Variants in IGSF10 observed in about 807,000 individuals in gnomAD.
IGSF10 encodes the protein calvaria mechanical force protein 608.
In IGSF10, 126 loss-of-function variants were observed where a neutral mutation model predicts 128.2. That is an observed-to-expected ratio of 0.98 (90% CI 0.85 to 1.14). The LOEUF is 1.14. Ranked by LOEUF, IGSF10 falls within the 50% of genes most tolerant of loss-of-function variation. The pLI is 0.00. For missense variants in IGSF10, 3,295 were observed against 3,149.8 expected (o/e 1.05, Z -1.10); for synonymous variants, 1,185 against 1,146.2 (o/e 1.03, Z -0.68).
At chr3:151,438,869 G>T (rs1487910091) in intron 7 of IGSF10, among the ~76,000 whole-genome samples, 3 of 151,484 alleles carry the variant, frequency 2.0e-5, no homozygotes, top group East Asian at 1.9e-4. Context: ...TATATATAGA[G>T]AGAGAGAAAT....
intron 4 of IGSF10, among the ~76,000 whole-genome samples, chr3:151,456,171 C>T (rs1260032651): frequency 3.3e-5 from 5 of 152,232 alleles, no homozygotes; most frequent in African/African-American, 1.2e-4. Context: ...GCCTGATTAA[C>T]CAAATCAACA....
chr3:151,484,242 C>T, the IGSF10 span, among the ~76,000 whole-genome samples: 735 of 152,306 alleles, frequency 4.8e-3, 6 homozygotes, highest in African/African-American at 0.017. Flanking sequence ...GCCAGACTGC[C>T]TTTCTAGATT....
At chr3:151,587,717 G>A in the IGSF10 span, among the ~76,000 whole-genome samples, 1 of 152,188 alleles carries the variant, frequency 6.6e-6, no homozygotes, top group Non-Finnish European at 1.5e-5. Flanking sequence ...CACATGTCAT[G>A]GGAGTAACCC....
chr3:151,433,019 GGTTTACAAAT>G (rs1719705946), downstream of IGSF10: 1 of 503,530 alleles, frequency 2.0e-6, no homozygotes, highest in Non-Finnish European at 3.5e-6. Context: ...CTTTAAAGTA[GGTTTACAAAT>G]GTGAATCATG....
At chr3:151,475,502 G>A in the IGSF10 span, among the ~76,000 whole-genome samples, 14 of 152,184 alleles carry the variant, frequency 9.2e-5, no homozygotes, top group Admixed American at 9.2e-4. Flanking sequence ...AGGAGTATAT[G>A]CCTGTAACAT....
At chr3:151,577,929 T>C in the IGSF10 span, among the ~76,000 whole-genome samples, 1 of 152,244 alleles carries the variant, frequency 6.6e-6, no homozygotes, top group South Asian at 2.1e-4. Flanking sequence ...TTTGTGCTCT[T>C]TGTTTCTTTT....
the IGSF10 span, among the ~76,000 whole-genome samples, chr3:151,501,993 T>C: frequency 2.6e-5 from 4 of 152,074 alleles, no homozygotes; most frequent in African/African-American, 7.2e-5. Context: ...TATCACTTTT[T>C]ACAGACCTAA....
At chr3:151,496,213 T>TA in the IGSF10 span, among the ~76,000 whole-genome samples, 1 of 151,646 alleles carries the variant, frequency 6.6e-6, no homozygotes, top group African/African-American at 2.4e-5. Context: ...TATTTTTTTT[T>TA]ATACTTTAAG....
chr3:151,437,844 A>G lies in IGSF10; in HGVS notation c.6717T>C (p.Gly2239=). 2 of 1,613,974 alleles carry G rather than the reference A, an allele frequency of 1.2e-6. No individual in the cohort carries two copies. Residue 2239 remains glycine, a synonymous_variant, in exon 8 of 8, where the codon GGT becomes GGC. Transcript: ENST00000282466. ...DVVSKPPLIN[G]LYTNRTVIKA... ...TAATAACAGTTCTGTTTGTATACAG[A>G]CCATTGATTAATGGAGGTTTAGAGA...
rs553293775 is a variant in IGSF10 at position 151,438,893 on chromosome 3, TA to T, written c.5964-297del. ...AGAGAGAGAAATGACCACGATTAAC[TA>T]GCATGTCCATCACCTCATAGTTACC... On this transcript the variant is annotated intron_variant, in intron 7 of 7. Transcript: ENST00000282466. 8.6e-5 allele frequency among the ~76,000 whole-genome samples: 13 copies of T among 151,876 alleles called. No individual in the cohort carries two copies. In the East Asian group the frequency reaches 2.5e-3, roughly 29 times the overall value.
the IGSF10 span, among the ~76,000 whole-genome samples, chr3:151,498,423 G>A: frequency 6.6e-6 from 1 of 152,012 alleles, no homozygotes; most frequent in Non-Finnish European, 1.5e-5. Flanking sequence ...ATAAAATACT[G>A]GCAAATCGAA....
At chr3:151,495,708 C>T in the IGSF10 span, among the ~76,000 whole-genome samples, 2 of 151,986 alleles carry the variant, frequency 1.3e-5, no homozygotes, top group African/African-American at 4.8e-5. Flanking sequence ...GGCCAAAAGG[C>T]ATCTAGCCAG....
the IGSF10 span, among the ~76,000 whole-genome samples, chr3:151,513,058 C>T: frequency 6.6e-6 from 1 of 152,162 alleles, no homozygotes; most frequent in Non-Finnish European, 1.5e-5. Context: ...GGTACCATTC[C>T]TTCTGAAACT....
the IGSF10 span, among the ~76,000 whole-genome samples, chr3:151,585,025 T>G: frequency 5.3e-5 from 8 of 152,216 alleles, no homozygotes; most frequent in Admixed American, 2.0e-4. Flanking sequence ...GTCCTTTTAA[T>G]GATTACTGTA....
the IGSF10 span, among the ~76,000 whole-genome samples, chr3:151,574,193 T>C: frequency 9.2e-5 from 14 of 152,160 alleles, no homozygotes; most frequent in Non-Finnish European, 1.3e-4. Flanking sequence ...CAATTATGTG[T>C]CTTGGGGTTG....
the IGSF10 span, among the ~76,000 whole-genome samples, chr3:151,467,907 G>GA: frequency 6.7e-6 from 1 of 150,076 alleles, no homozygotes; most frequent in Non-Finnish European, 1.5e-5. Flanking sequence ...AAAGAAAAAA[G>GA]AAAAAAAGAA....
chr3:151,590,316 A>T, the IGSF10 span, among the ~76,000 whole-genome samples: 1 of 152,228 alleles, frequency 6.6e-6, no homozygotes, highest in South Asian at 2.1e-4. Flanking sequence ...CTGGGATTAA[A>T]GGCATGAGCC....
the IGSF10 span, among the ~76,000 whole-genome samples, chr3:151,532,740 A>T: frequency 6.6e-6 from 1 of 152,218 alleles, no homozygotes; most frequent in Non-Finnish European, 1.5e-5. Flanking sequence ...CAAAAACTGG[A>T]AGCATTCCCT....
chr3:151,466,433 A>G, the IGSF10 span, among the ~76,000 whole-genome samples: 1 of 152,202 alleles, frequency 6.6e-6, no homozygotes, highest in African/African-American at 2.4e-5. Flanking sequence ...ATTGAATTCA[A>G]TTAGAGGCCT....
Sources: gnomAD v4.1 joint callset for allele counts (sites outside exome capture counted in the v4.1 genomes callset) on GRCh38, gnomAD v4.1.1 for gene constraint, MANE v1.5 for transcripts, NCBI Gene and HGNC (gene_info 2026-07-23, HGNC 2026-07-21) for gene names.